PTPRG: variants seen among roughly 807,000 people sequenced by gnomAD.
PTPRG encodes receptor-type tyrosine-protein phosphatase gamma.
Under a neutral mutation model 165.3 loss-of-function variants are expected in PTPRG, and 102 were observed. The observed-to-expected ratio is 0.62, with a 90% CI of 0.53 to 0.73. The LOEUF (loss-of-function observed/expected upper bound fraction) is 0.73, where lower values mean the gene tolerates loss of function less well. PTPRG is among the 30% of genes least tolerant of loss of function. The probability of loss-of-function intolerance (pLI) is 0.00; values close to 1 mark genes in which losing one functional copy is unlikely to be tolerated. For synonymous variants in PTPRG, 675 were observed against 669.5 expected, an observed-to-expected ratio of 1.01 and a Z score of -0.13; for missense variants, 1,866 against 1,861.4, an observed-to-expected ratio of 1.00 and a Z score of -0.05.
At chr3:62,037,720 A>T (rs1699993928) in intron 4 of PTPRG, among the ~76,000 whole-genome samples, 1 of 152,302 alleles carries the variant, frequency 6.6e-6, no homozygotes, top group African/African-American at 2.4e-5. Context: ...ATAAGAAATT[A>T]ATTTCTCAGT....
At chr3:62,010,341 A>C (rs1379884242) in intron 4 of PTPRG, among the ~76,000 whole-genome samples, 1 of 150,356 alleles carries the variant, frequency 6.7e-6, no homozygotes, top group Non-Finnish European at 1.5e-5. Flanking sequence ...ATGTTTTCCC[A>C]AACTTACATG....
At chr3:62,171,601 A>G (rs1166743971) in intron 8 of PTPRG, among the ~76,000 whole-genome samples, 2 of 151,972 alleles carry the variant, frequency 1.3e-5, no homozygotes, top group African/African-American at 4.8e-5. Context: ...AGGCAACCTC[A>G]GGTCTGGTTT....
At chr3:62,184,257 A>G (rs1705780400) in intron 8 of PTPRG, among the ~76,000 whole-genome samples, 1 of 152,196 alleles carries the variant, frequency 6.6e-6, no homozygotes, top group Admixed American at 6.5e-5. Context: ...GGAAATGCAC[A>G]TTACACTGGA....
intron 1 of PTPRG, among the ~76,000 whole-genome samples, chr3:61,745,372 A>ATTTGAGGG (rs2033158311): frequency 1.3e-5 from 2 of 152,112 alleles, no homozygotes; most frequent in African/African-American, 4.8e-5. Context: ...TGATGAACAC[A>ATTTGAGGG]CACCATGCGC....
At chr3:62,009,969 G>A (rs114156968) in intron 4 of PTPRG, among the ~76,000 whole-genome samples, 1,995 of 152,294 alleles carry the variant, frequency 0.013, 29 homozygotes, top group Non-Finnish European at 0.018. Flanking sequence ...CCAGACTGGA[G>A]AGCAGTGGTG....
chr3:62,020,835 G>T (rs1307794402), intron 4 of PTPRG, among the ~76,000 whole-genome samples: 2 of 119,338 alleles, frequency 1.7e-5, no homozygotes, highest in East Asian at 2.3e-4. Flanking sequence ...ACCATGCACA[G>T]GTTTTTTTTG....
At chr3:62,241,659 GTA>G (rs562505643) in intron 14 of PTPRG, among the ~76,000 whole-genome samples, 4 of 151,350 alleles carry the variant, frequency 2.6e-5, no homozygotes, top group Non-Finnish European at 2.9e-5. Flanking sequence ...CTACAATATA[GTA>G]TATATATATA....
intron 1 of PTPRG, among the ~76,000 whole-genome samples, chr3:61,728,650 A>G (rs2032360588): frequency 6.6e-6 from 1 of 151,368 alleles, no homozygotes; most frequent in African/African-American, 2.4e-5. Flanking sequence ...TAAGTTTTCA[A>G]TTAAGATGAT....
chr3:62,127,525 T>C (rs1703339327), intron 5 of PTPRG, among the ~76,000 whole-genome samples: 1 of 152,230 alleles, frequency 6.6e-6, no homozygotes, highest in African/African-American at 2.4e-5. Context: ...CCTTTGTCAC[T>C]TTCCTCTGCA....
chr3:61,864,474 C>G (rs1205860098), intron 2 of PTPRG, among the ~76,000 whole-genome samples: 1 of 152,118 alleles, frequency 6.6e-6, no homozygotes, highest in Admixed American at 6.5e-5. Context: ...AGCAAAGTAA[C>G]GGAACTGAGC....
At chr3:62,067,410 G>T (rs1701053469) in intron 4 of PTPRG, among the ~76,000 whole-genome samples, 1 of 152,006 alleles carries the variant, frequency 6.6e-6, no homozygotes, top group Non-Finnish European at 1.5e-5. Flanking sequence ...TTGGCACGAG[G>T]GACCGGTTTT....
chr3:62,102,567 G>A (rs7647533), intron 5 of PTPRG, among the ~76,000 whole-genome samples: 103,761 of 151,568 alleles, frequency 0.68, 35,642 homozygotes, highest in Middle Eastern at 0.78. Flanking sequence ...CACCACGCCC[G>A]GCCTGGACAC....
chr3:61,616,404 A>G (rs956171576), intron 1 of PTPRG, among the ~76,000 whole-genome samples: 4 of 152,164 alleles, frequency 2.6e-5, no homozygotes, highest in Non-Finnish European at 4.4e-5. Flanking sequence ...CACAAGTTCA[A>G]CAACACATGC....
intron 1 of PTPRG, among the ~76,000 whole-genome samples, chr3:61,620,739 C>T (rs1002322281): frequency 6.6e-6 from 1 of 151,988 alleles, no homozygotes; most frequent in Non-Finnish European, 1.5e-5. Flanking sequence ...AGCAGTTCTC[C>T]TGCCTCAGCC....
chr3:62,166,030 CAG>C (rs1054248495), intron 7 of PTPRG, among the ~76,000 whole-genome samples: 4 of 152,038 alleles, frequency 2.6e-5, no homozygotes, highest in South Asian at 2.1e-4. Context: ...ACTCAATGCA[CAG>C]AGAGCATCTT....
At chr3:61,884,391 C>G (rs1559668337) in intron 2 of PTPRG, among the ~76,000 whole-genome samples, 1 of 152,092 alleles carries the variant, frequency 6.6e-6, no homozygotes, top group Non-Finnish European at 1.5e-5. Context: ...GGAATTGAGT[C>G]TGGTGGGGAA....
intron 2 of PTPRG, among the ~76,000 whole-genome samples, chr3:61,964,890 C>G (rs1408852183): frequency 1.3e-5 from 2 of 152,008 alleles, no homozygotes; most frequent in Non-Finnish European, 2.9e-5. Flanking sequence ...ATTAGTATCT[C>G]TTTGAATTGT....
chr3:61,878,704 A>G (rs1247186794), intron 2 of PTPRG, among the ~76,000 whole-genome samples: 1 of 151,858 alleles, frequency 6.6e-6, no homozygotes, highest in East Asian at 1.9e-4. Context: ...AGGTCTTACT[A>G]TGTTGCCCGG....
chr3:62,172,089 T>G lies in PTPRG; in HGVS notation c.1033+3926T>G, dbSNP rs560740252. On this transcript the variant is annotated intron_variant, in intron 8 of 29. Transcript: ENST00000474889. ...TGTATCAGAATTTAATTATATTTTG[T>G]GGCCAAGTAATATACCACATAATAT... 3.3e-5 allele frequency among the ~76,000 whole-genome samples: 5 copies of G among 152,358 alleles called. No homozygotes were observed. In the East Asian group the frequency reaches 9.6e-4, roughly 29 times the overall value.
Sources: gnomAD v4.1 joint callset for allele counts (sites outside exome capture counted in the v4.1 genomes callset) on GRCh38, gnomAD v4.1.1 for gene constraint, MANE v1.5 for transcripts, NCBI Gene and HGNC (gene_info 2026-07-23, HGNC 2026-07-21) for gene names.